The following CGN variants were observed in gnomAD, a reference collection of about 807,000 sequenced individuals.
The protein encoded by CGN is cingulin.
In CGN, 121 loss-of-function variants were observed where a neutral mutation model predicts 157.1. The ratio of observed to expected loss-of-function variants is 0.77; its 90% CI spans 0.66 to 0.90. The LOEUF (loss-of-function observed/expected upper bound fraction) is 0.90, where lower values mean the gene tolerates loss of function less well. Ranked by LOEUF, CGN falls within the 40% of genes least tolerant of loss-of-function variation. CGN has a pLI of 0.00. For synonymous variants in CGN, 535 were observed against 607.5 expected (o/e 0.88, Z 1.76); for missense variants, 1,424 against 1,520.9 (o/e 0.94, Z 1.06).
upstream of CGN, chr1:151,510,591 C>A (rs935671218): frequency 6.6e-6 from 1 of 152,124 alleles, no homozygotes; most frequent in African/African-American, 2.4e-5. Context: ...GAACGAAGGT[C>A]ATTCCTATTT....
At chr1:151,514,501 C>G (rs1184274144) in intron 1 of CGN, among the ~76,000 whole-genome samples, 2 of 152,086 alleles carry the variant, frequency 1.3e-5, no homozygotes, top group African/African-American at 4.8e-5. Flanking sequence ...TAGATTTGTC[C>G]TGGGCAAATC....
rs1664998633 is a variant in CGN, at chr1:151,537,586, C to T, written c.*240C>T. ...ACTGAGCCTTTTCCTCAAGTGCCGA[C>T]ACCTCCCTCATCTCTCTTATAGTGG... On this transcript the variant is annotated 3_prime_UTR_variant, in exon 21 of 21. Coordinates refer to ENST00000271636, the MANE Select transcript of CGN (RefSeq NM_020770.3). 1 of 452,000 alleles carries T rather than the reference C, an allele frequency of 2.2e-6. No individual in the cohort carries two copies. Among genetic ancestry groups the T allele is most frequent in the African/African-American group, 2.0e-5 (1 of 51,260 alleles). The allele number at this position is 452,000 out of a possible 1,614,324, so 28.0% of individuals were successfully genotyped here. A position where few individuals can be genotyped will look rare whatever the true frequency, so the allele number is the denominator to read the frequency against.
chr1:151,515,090 C>A (rs1435131202), intron 1 of CGN, among the ~76,000 whole-genome samples: 1 of 151,178 alleles, frequency 6.6e-6, no homozygotes, highest in African/African-American at 2.4e-5. Context: ...GCAGCCTGTG[C>A]CTCTCAGGTT....
At chr1:151,515,130 G>A (rs1216923862) in intron 1 of CGN, among the ~76,000 whole-genome samples, 1 of 151,612 alleles carries the variant, frequency 6.6e-6, no homozygotes, top group Non-Finnish European at 1.5e-5. Flanking sequence ...GGCCTCCCCA[G>A]TAGCTGGGAT....
intron 15 of CGN, 105 bp downstream of exon 15, chr1:151,534,241 G>C (rs1664909799): frequency 9.1e-7 from 1 of 1,102,442 alleles, no homozygotes; most frequent in Admixed American, 3.1e-5. Context: ...GTTTTGTTTG[G>C]CTGCAGTATT....
Position 151,518,551 on chromosome 1 carries a change from G to T in CGN, c.32G>T (p.Arg11Leu). Residue 11 changes from arginine (R) to leucine (L), a missense_variant, in exon 2 of 21, where the codon CGG (arginine) becomes CTG (leucine). Physicochemically the swap from Arg to Leu is moderately radical, Grantham distance 102. Transcript: ENST00000271636. MEQAPNMAEP[R>L]GPVDHGVQIR... is the part of the protein sequence containing the mutation. ...CAGGCACCCAACATGGCTGAGCCCC[G>T]GGGCCCCGTAGACCATGGAGTCCAG... is the stretch of plus-strand genomic sequence containing the variant. 1 of 1,609,866 alleles carries T rather than the reference G, an allele frequency of 6.2e-7. No individual in the cohort carries two copies. Among genetic ancestry groups the T allele is most frequent in the South Asian group, 1.1e-5 (1 of 90,984 alleles).
chr1:151,526,475 C>A (rs1221457221), intron 9 of CGN, among the ~76,000 whole-genome samples: 10 of 150,346 alleles, frequency 6.7e-5, no homozygotes, highest in Non-Finnish European at 1.5e-4. Flanking sequence ...GCACCCAGTC[C>A]CTTTCTTCTT....
rs570097584 is a variant in CGN at position 151,520,827 on chromosome 1, G to A, written c.1140+136G>A. On this transcript the variant is annotated intron_variant, in intron 5 of 20. Coordinates refer to ENST00000271636, the MANE Select transcript of CGN (RefSeq NM_020770.3). ...CTTATGAGACAAGAGACAAGAATGT[G>A]TACTAATTCCAGGAAGGACTTCTGG... The A allele has an allele frequency of 1.4e-5, 10 of 728,204 alleles. No individual in the cohort carries two copies. In the South Asian group the frequency reaches 1.4e-4, roughly 10 times the overall value. 45.1% of individuals were successfully genotyped at this position (728,204 alleles called of 1,614,324 possible).
chr1:151,516,842 G>A (rs557335654), intron 1 of CGN, among the ~76,000 whole-genome samples: 198 of 150,716 alleles, frequency 1.3e-3, no homozygotes, highest in African/African-American at 4.5e-3. Context: ...ATGCCCGGCC[G>A]AGTGGCACAG....
chr1:151,525,483 A>G, intron 8 of CGN, 159 bp from the exon 9 acceptor site: 1 of 465,070 alleles, frequency 2.2e-6, no homozygotes, highest in Non-Finnish European at 3.8e-6. Context: ...TGAGGAGAGA[A>G]TCTCTGCTAG....
rs775565862 is a variant in CGN at position 151,519,349 on chromosome 1, T to C, written c.830T>C (p.Phe277Ser). 23 of 1,606,554 alleles carry C rather than the reference T, an allele frequency of 1.4e-5. No homozygotes were observed. The East Asian group carries it at 3.6e-4, about 25-fold the overall frequency. ...RQTQDWVLQSFEEPRRSAQDP... is the reference protein window; with the variant it reads ...RQTQDWVLQSSEEPRRSAQDP... ...ACTCAGGACTGGGTCCTTCAGAGTT[T>C]TGAGGAGCCGCGGAGGAGTGCACAG... Residue 277 changes from phenylalanine to serine, a missense_variant, in exon 2 of 21, where the codon TTT (phenylalanine) becomes TCT (serine). Phe to Ser is a radical substitution (Grantham distance 155). Around this residue, in one of 3 missense-constraint regions of CGN, gnomAD observed 1,187 missense variants for 1,217.6 expected, o/e 0.97. Transcript: ENST00000271636.
intron 13 of CGN, 130 bp downstream of exon 13, chr1:151,530,876 C>G (rs1253450509): frequency 1.4e-5 from 13 of 946,016 alleles, no homozygotes; most frequent in Non-Finnish European, 1.9e-5. Context: ...TGCGGTGACT[C>G]ACTCCTGTAA....
Position 151,519,380 on chromosome 1 carries a change from C to G in CGN, c.861C>G (p.Pro287=). Residue 287 remains proline (P), a synonymous_variant, in exon 2 of 21, where the codon CCC becomes CCG. Coordinates refer to ENST00000271636, the MANE Select transcript of CGN (RefSeq NM_020770.3). ...FEEPRRSAQD[P]TMLQFKSTPD... ...AGCCGCGGAGGAGTGCACAGGACCC[C>G]ACCATGCTGCAGGTCAGACCCAGCC... The G allele has an allele frequency of 1.3e-6, 2 of 1,592,112 alleles. No homozygotes were observed. Among genetic ancestry groups the G allele is most frequent in the Non-Finnish European group, 1.7e-6 (2 of 1,175,532 alleles).
Position 151,530,555 on chromosome 1 carries a change from G to A in CGN, c.2380G>A (p.Ala794Thr). ...GGAAGAGGAGGGGAGTCTGGCAGCA[G>A]CCAAGCGGGCACTGGAGGCACGCCT... ...SQEEEGSLAAAKRALEARLEE... is the reference protein window; with the variant it reads ...SQEEEGSLAATKRALEARLEE... Residue 794 changes from alanine to threonine, a missense_variant, in exon 13 of 21, where the codon GCC becomes ACC. Around this residue, in one of 3 missense-constraint regions of CGN, gnomAD observed 1,187 missense variants for 1,217.6 expected, o/e 0.97. Transcript: ENST00000271636. 1.2e-6 allele frequency: 2 copies of A among 1,608,508 alleles called. No homozygotes were observed. Among genetic ancestry groups the A allele is most frequent in the South Asian group, 2.2e-5 (2 of 90,448 alleles).
rs140472889 is a variant in CGN at position 151,529,419 on chromosome 1, C to T, written c.1966C>T (p.Arg656Ter). 8.4e-5 allele frequency: 135 copies of T among 1,613,406 alleles called. No individual in the cohort carries two copies. The highest frequency in any genetic ancestry group is 1.7e-4 in the Middle Eastern group (1 of 6,056). Residue 656 changes from arginine (R) to a stop codon, truncating the protein, a stop_gained, in exon 11 of 21, where the codon CGA becomes TGA. Transcript: ENST00000271636. LOFTEE classifies it high-confidence loss of function. Reference protein sequence around the residue: ...AERQSQEVAGRHRDRELEKQL... With the variant: ...AERQSQEVAG Reference sequence around the variant, plus strand: ...ACGGCAGAGCCAGGAGGTGGCTGGGCGACACCGGGACCGGGAGTTGGAGAA... The same window carrying T: ...ACGGCAGAGCCAGGAGGTGGCTGGGTGACACCGGGACCGGGAGTTGGAGAA...
intron 14 of CGN, among the ~76,000 whole-genome samples, 192 bp downstream of exon 14, chr1:151,532,764 T>C (rs1393690058): frequency 6.6e-6 from 1 of 151,932 alleles, no homozygotes; most frequent in Non-Finnish European, 1.5e-5. Context: ...GGACTACAGG[T>C]GCCTGCCACC....
rs747752411 is a variant in CGN at position 151,530,059 on chromosome 1, G to T, written c.2257G>T (p.Val753Leu). 1.2e-6 allele frequency: 2 copies of T among 1,614,044 alleles called. No individual in the cohort carries two copies. Among genetic ancestry groups the T allele is most frequent in the African/African-American group, 2.7e-5 (2 of 74,918 alleles). Residue 753 changes from valine (V) to leucine (L), a missense_variant, in exon 12 of 21, where the codon GTG becomes TTG. Transcript: ENST00000271636. ...GCAGCTGAAGGAGACTCGAGGTCTG[G>T]TGGATGGTGGGGAAGCGGTGGAGGC... ...EQQLKETRGL[V>L]DGGEAVEARL... is the part of the protein sequence containing the mutation.
chr1:151,530,186 C>A, intron 12 of CGN, 71 bp downstream of exon 12: 1 of 1,479,520 alleles, frequency 6.8e-7, no homozygotes, highest in South Asian at 1.3e-5. Context: ...AGTAGTTAGC[C>A]ATCAGTTTCA....
In CGN at chr1:151,515,148, G is replaced by A. The variant is rs139646857; in HGVS notation, c.-14-3358G>A. ...CTCCCCAGTAGCTGGGATTCCAGGC[G>A]TGCACCACCACGCACAGCTAATTTT... On this transcript the variant is annotated intron_variant, in intron 1 of 20. Coordinates refer to ENST00000271636, the MANE Select transcript of CGN (RefSeq NM_020770.3). 3.0e-3 allele frequency among the ~76,000 whole-genome samples: 459 copies of A among 151,862 alleles called. 1 individual carries two copies. Among genetic ancestry groups the A allele is most frequent in the African/African-American group, 9.8e-3 (406 of 41,412 alleles).
Sources: gnomAD v4.1 joint callset for allele counts (sites outside exome capture counted in the v4.1 genomes callset) on GRCh38, gnomAD v4.1.1 for gene constraint, gnomAD v4.1.1 regional missense constraint, MANE v1.5 for transcripts, NCBI Gene and HGNC (gene_info 2026-07-23, HGNC 2026-07-21) for gene names.